The following MACROD2 variants were observed in gnomAD, a reference collection of about 807,000 sequenced individuals.
The protein encoded by MACROD2 is ADP-ribose glycohydrolase MACROD2.
A neutral mutation model predicts 70.4 loss-of-function variants in MACROD2; 36 were observed. The observed-to-expected ratio is 0.51, with a 90% CI of 0.39 to 0.68. The LOEUF (loss-of-function observed/expected upper bound fraction) is 0.68, where lower values mean the gene tolerates loss of function less well. Ranked by LOEUF, MACROD2 falls within the 30% of genes least tolerant of loss-of-function variation. The pLI, the probability that MACROD2 is intolerant of heterozygous loss-of-function variation, is 0.00. For synonymous variants in MACROD2, 172 were observed against 178.8 expected, an observed-to-expected ratio of 0.96 and a Z score of 0.30; for missense variants, 496 against 538.4, an observed-to-expected ratio of 0.92 and a Z score of 0.78.
chr20:15,859,269 A>G (rs1291725490), intron 8 of MACROD2, among the ~76,000 whole-genome samples: 1 of 152,086 alleles, frequency 6.6e-6, no homozygotes, highest in Non-Finnish European at 1.5e-5. Flanking sequence ...AGGTGGAGGA[A>G]GTGGAAGAGG....
At chr20:15,478,557 G>C (rs991894354) in intron 7 of MACROD2, among the ~76,000 whole-genome samples, 1 of 148,640 alleles carries the variant, frequency 6.7e-6, no homozygotes, top group East Asian at 2.0e-4. Context: ...GTGTGTCTGT[G>C]TGTGTGTGTG....
At chr20:15,519,055 TTTCC>T (rs373164988) in intron 8 of MACROD2, among the ~76,000 whole-genome samples, 24,302 of 116,162 alleles carry the variant, frequency 0.21, 2,430 homozygotes, top group East Asian at 0.28. Context: ...TAACTCGCTC[TTTCC>T]TTCCTTCCTT....
At chr20:14,380,566 C>G (rs968158461) in intron 3 of MACROD2, among the ~76,000 whole-genome samples, 3 of 152,142 alleles carry the variant, frequency 2.0e-5, no homozygotes, top group African/African-American at 7.2e-5. Context: ...AGTTGTTGAT[C>G]CATTTGGAGT....
chr20:15,286,275 A>G (rs2077490544), intron 6 of MACROD2, among the ~76,000 whole-genome samples: 1 of 152,212 alleles, frequency 6.6e-6, no homozygotes, highest in Non-Finnish European at 1.5e-5. Context: ...ATCTTCGAGA[A>G]GCTTGGGTAT....
intron 4 of MACROD2, among the ~76,000 whole-genome samples, chr20:14,610,183 G>A (rs1046675941): frequency 3.3e-5 from 5 of 151,986 alleles, no homozygotes; most frequent in African/African-American, 1.2e-4. Context: ...TTTGGAAAGG[G>A]GTTTATTGTA....
At chr20:14,017,679 C>T (rs1432274925) in intron 2 of MACROD2, among the ~76,000 whole-genome samples, 2 of 152,046 alleles carry the variant, frequency 1.3e-5, no homozygotes, top group Admixed American at 6.6e-5. Context: ...TTGTGTATTC[C>T]TTTTAAGATG....
intron 8 of MACROD2, among the ~76,000 whole-genome samples, chr20:15,586,966 T>G (rs1203014849): frequency 6.6e-6 from 1 of 152,222 alleles, no homozygotes; most frequent in South Asian, 2.1e-4. Flanking sequence ...ACAATGTTCT[T>G]GAGTGGCAAG....
intron 3 of MACROD2, among the ~76,000 whole-genome samples, chr20:14,424,788 G>C (rs1480690557): frequency 6.6e-6 from 1 of 152,154 alleles, no homozygotes. Context: ...CCTATGTGCT[G>C]CTTTAAATTA....
At chr20:15,999,050 C>A (rs1291184184) in intron 15 of MACROD2, among the ~76,000 whole-genome samples, 1 of 151,898 alleles carries the variant, frequency 6.6e-6, no homozygotes, top group Non-Finnish European at 1.5e-5. Flanking sequence ...CTAATTTGGG[C>A]TTTATTTCTT....
At chr20:15,971,906 A>G (rs1326768263) in intron 13 of MACROD2, among the ~76,000 whole-genome samples, 1 of 152,208 alleles carries the variant, frequency 6.6e-6, no homozygotes, top group Non-Finnish European at 1.5e-5. Flanking sequence ...AACTCAACCC[A>G]TAAATGATGC....
chr20:14,495,548 G>A (rs1020660582), intron 4 of MACROD2, among the ~76,000 whole-genome samples: 1 of 152,192 alleles, frequency 6.6e-6, no homozygotes, highest in African/African-American at 2.4e-5. Flanking sequence ...TAAGGAGGAA[G>A]GGGAGAATGG....
intron 5 of MACROD2, among the ~76,000 whole-genome samples, chr20:14,805,736 C>T (rs117211237): frequency 0.034 from 5,119 of 152,142 alleles, 153 homozygotes; most frequent in Non-Finnish European, 0.049. Context: ...TCTATCCATA[C>T]GTCTAACAAG....
intron 3 of MACROD2, among the ~76,000 whole-genome samples, chr20:14,358,969 T>C (rs1216100110): frequency 6.6e-6 from 1 of 152,106 alleles, no homozygotes; most frequent in African/African-American, 2.4e-5. Context: ...GGAGGATCGC[T>C]TGAGCCCAGG....
chr20:14,879,494 A>C (rs917479240), intron 5 of MACROD2, among the ~76,000 whole-genome samples: 3 of 152,160 alleles, frequency 2.0e-5, no homozygotes, highest in Non-Finnish European at 4.4e-5. Flanking sequence ...TAGATTATGG[A>C]AGAGATAAAC....
At chr20:15,218,281 A>G (rs1331951237) in intron 5 of MACROD2, among the ~76,000 whole-genome samples, 3 of 152,094 alleles carry the variant, frequency 2.0e-5, no homozygotes, top group African/African-American at 4.8e-5. Flanking sequence ...CTTGAAATCA[A>G]TTTTTACACT....
chr20:15,847,135 G>A (rs750137049), intron 8 of MACROD2, among the ~76,000 whole-genome samples: 6 of 152,034 alleles, frequency 3.9e-5, no homozygotes, highest in Non-Finnish European at 8.8e-5. Flanking sequence ...ATTTTTTACA[G>A]CTGTTCACAG....
At chr20:15,490,232 C>T (rs1405849483) in intron 7 of MACROD2, among the ~76,000 whole-genome samples, 1 of 102,442 alleles carries the variant, frequency 9.8e-6, no homozygotes, top group Non-Finnish European at 2.2e-5. Context: ...TCCCTTCCTT[C>T]CTCCCTTCCC....
intron 8 of MACROD2, among the ~76,000 whole-genome samples, chr20:15,508,543 A>T (rs2146507555): frequency 6.6e-6 from 1 of 152,352 alleles, no homozygotes; most frequent in Middle Eastern, 3.4e-3. Flanking sequence ...CAAGGTAGTT[A>T]TTTTAAAATC....
At chr20:14,651,128 T>C (rs975344353) in intron 4 of MACROD2, among the ~76,000 whole-genome samples, 3 of 152,212 alleles carry the variant, frequency 2.0e-5, no homozygotes, top group East Asian at 3.8e-4. Context: ...TGTCATTAAA[T>C]AGATTTACTT....
Sources: gnomAD v4.1 joint callset for allele counts (sites outside exome capture counted in the v4.1 genomes callset) on GRCh38, gnomAD v4.1.1 for gene constraint, MANE v1.5 for transcripts, NCBI Gene and HGNC (gene_info 2026-07-23, HGNC 2026-07-21) for gene names.